The following MDC1 variants were observed in gnomAD, a reference collection of about 807,000 sequenced individuals.
MDC1 encodes the protein mediator of DNA damage checkpoint protein 1.
A neutral mutation model predicts 142.5 loss-of-function variants in MDC1; 81 were observed. That is an observed-to-expected ratio of 0.57 (90% CI 0.47 to 0.68). MDC1 has a LOEUF of 0.68. Among genes scored for constraint, MDC1 ranks in the 30% least tolerant of loss-of-function variants. The probability of loss-of-function intolerance (pLI) is 0.00; values close to 1 mark genes in which losing one functional copy is unlikely to be tolerated. For missense variants in MDC1, 2,119 were observed against 2,547.9 expected (o/e 0.83, Z 3.62); for synonymous variants, 797 against 968.4 (o/e 0.82, Z 3.29).
intron 9 of MDC1, 53 bp from the exon 10 acceptor site, chr6:30,706,151 A>G: frequency 2.1e-6 from 3 of 1,400,854 alleles, no homozygotes; most frequent in Non-Finnish European, 2.9e-6. Context: ...AAGAGATAGA[A>G]CTTGGATACT....
At position 30,703,503 on chromosome 6, in the gene MDC1, C is replaced by G. The variant is rs573548215; in HGVS notation, c.5597G>C (p.Arg1866Thr). 1.2e-6 allele frequency: 2 copies of G among 1,613,674 alleles called. No individual in the cohort carries two copies. The highest frequency in any genetic ancestry group is 2.2e-5 in the East Asian group (1 of 44,884). ...VVTPKPGKRK[R>T]DQAEEEPNRI... The stretch of plus-strand genomic sequence containing the variant: ...GTTGGGCTCCTCCTCTGCCTGGTCT[C>G]TCTTTCTCTTGCCTGGTTTTGGAGT... Residue 1866 changes from arginine to threonine, a missense_variant, in exon 11 of 15, where the codon AGA becomes ACA. By Grantham distance (71) the Arg-to-Thr change is moderately conservative. Coordinates refer to ENST00000376406, the MANE Select transcript of MDC1 (RefSeq NM_014641.3). The surrounding 1 kb of genome is among the most constrained non-coding windows in gnomAD (Gnocchi z 4.4).
chr6:30,701,015 C>T (rs1170256502), intron 14 of MDC1, among the ~76,000 whole-genome samples: 1 of 144,942 alleles, frequency 6.9e-6, no homozygotes, highest in Non-Finnish European at 1.5e-5. Context: ...GCGGAGCTTG[C>T]AGTGAGCCGA....
Position 30,703,786 on chromosome 6 carries a change from G to A in MDC1, c.5397C>T (p.Phe1799=), listed in dbSNP as rs2127665425. ...QKVEPAGRSR[F]TPELQPKASQ... ...AGGCCTTAGGCTGGAGCTCCGGGGT[G>A]AACCTAGATCTACCTGCTGGTTCCA... The change falls in exon 10 of 15, where the codon TTC becomes TTT. Residue 1799 remains phenylalanine (F), a synonymous_variant. Transcript: ENST00000376406. The surrounding 1 kb of genome is among the most constrained non-coding windows in gnomAD (Gnocchi z 4.4). 6.3e-7 allele frequency: 1 copy of A among 1,584,710 alleles called. No individual in the cohort carries two copies. Among genetic ancestry groups the A allele is most frequent in the Non-Finnish European group, 8.6e-7 (1 of 1,166,542 alleles).
intron 14 of MDC1, among the ~76,000 whole-genome samples, chr6:30,700,932 G>A (rs939372332): frequency 6.6e-6 from 1 of 150,582 alleles, no homozygotes; most frequent in African/African-American, 2.4e-5. Context: ...AATTAGCCGG[G>A]CGCGCTGACG....
chr6:30,704,892 G>T lies in MDC1; in HGVS notation c.4291C>A (p.Gln1431Lys). 6.2e-7 allele frequency: 1 copy of T among 1,604,838 alleles called. No individual in the cohort carries two copies. The change falls in exon 10 of 15, where the codon CAG becomes AAG. Residue 1431 changes from glutamine to lysine, a missense_variant. Gln to Lys is a moderately conservative substitution (Grantham distance 53). Transcript: ENST00000376406. ...CTATTTGTCCTGCCCCTGGTGGCCT[G>T]AGATGTGGGCTCAGGAGTGACAGGT... is the stretch of plus-strand genomic sequence containing the variant. ...DQPVTPEPTS[Q>K]ATRGRTNRSS...
rs113041889 is a variant in MDC1, at chr6:30,716,227, C to CTT, written c.-4+1016_-4+1017dup. On this transcript the variant is annotated intron_variant, in intron 1 of 14. Transcript: ENST00000376406. The surrounding 1 kb of genome is among the most constrained non-coding windows in gnomAD (Gnocchi z 4.4). ...ATTCAGTTCAAATGTCACTTTCTTT[C>CTT]TTTTTTTTTTTTTTGAGATGGAATC... Among the ~76,000 whole-genome samples the CTT allele has an allele frequency of 2.8e-5, 4 of 144,412 alleles. No homozygotes were observed. The highest frequency in any genetic ancestry group is 6.9e-5 in the Admixed American group (1 of 14,426). 94.7% of individuals were successfully genotyped at this position (144,412 alleles called of 152,430 possible). A position where few individuals can be genotyped will look rare whatever the true frequency, so the allele number is the denominator to read the frequency against.
At chr6:30,710,804 G>A (rs2127708526) in intron 7 of MDC1, among the ~76,000 whole-genome samples, 1 of 152,086 alleles carries the variant, frequency 6.6e-6, no homozygotes, top group South Asian at 2.1e-4. Flanking sequence ...TTTTTTTTAA[G>A]AGACATTGGG....
At position 30,713,825 on chromosome 6, in the gene MDC1, A is replaced by T. The variant is rs1184241568; in HGVS notation, c.495T>A (p.Ala165=). ...GETQPQRLLL[A]EDSEEEVDFL... ...TACCTACTTCCTCCTCCGAGTCCTC[A>T]GCCAACAGAAGCCTCTGGGGTTGAG... Residue 165 remains alanine (A), a synonymous_variant, in exon 3 of 15, where the codon GCT becomes GCA. Transcript: ENST00000376406. This position sits in a 1 kb window ranked among gnomAD's most constrained non-coding sequence, Gnocchi z 4.9. 1 of 1,613,916 alleles carries T rather than the reference A, an allele frequency of 6.2e-7. No homozygotes were observed. Among genetic ancestry groups the T allele is most frequent in the Non-Finnish European group, 8.5e-7 (1 of 1,179,966 alleles).
At chr6:30,710,793 GT>G (rs954591442) in intron 7 of MDC1, among the ~76,000 whole-genome samples, 10 of 152,094 alleles carry the variant, frequency 6.6e-5, no homozygotes, top group South Asian at 2.1e-4. Flanking sequence ...GTGTGTGTGT[GT>G]TTTTTTTAAG....
In MDC1 at chr6:30,701,090, A is replaced by G. The variant is rs7382493; in HGVS notation, c.6103-458T>C. 6.7e-3 allele frequency among the ~76,000 whole-genome samples: 964 copies of G among 143,020 alleles called. 11 individuals carry two copies. Among genetic ancestry groups the G allele is most frequent in the Admixed American group, 9.8e-3 (141 of 14,348 alleles). The allele number at this position is 143,020 out of a possible 152,430, so 93.8% of individuals were successfully genotyped here. A position where few individuals can be genotyped will look rare whatever the true frequency, so the allele number is the denominator to read the frequency against. On this transcript the variant is annotated intron_variant, in intron 14 of 14. Transcript: ENST00000376406. Reference sequence around the variant, plus strand: ...ACTCCATCTCAAAAGAAAAAAAAAAAGAAAAAAAAAAAAGAAATACTCTTG... The same window carrying G: ...ACTCCATCTCAAAAGAAAAAAAAAAGGAAAAAAAAAAAAGAAATACTCTTG...
chr6:30,713,127 G>A lies in MDC1; in HGVS notation c.815C>T (p.Thr272Ile), dbSNP rs754527969. Residue 272 changes from threonine (T) to isoleucine (I), a missense_variant, in exon 5 of 15, where the codon ACA becomes ATA. Physicochemically the swap from Thr to Ile is moderately conservative, Grantham distance 89. Transcript: ENST00000376406. The surrounding 1 kb of genome is among the most constrained non-coding windows in gnomAD (Gnocchi z 4.9). ...ATTCCCTGCACCCCTCTTGACTTTT[G>A]TATCATTGTCCCTCTCCTTCACTAA... The part of the protein sequence containing the change: ...QPLVKERDND[T>I]KVKRGAGNGV... The A allele has an allele frequency of 1.9e-6, 3 of 1,612,948 alleles. No homozygotes were observed. The South Asian group carries it at 3.3e-5, about 18-fold the overall frequency.
chr6:30,703,581 G>C lies in MDC1; in HGVS notation c.5562+40C>G. 1 of 1,612,808 alleles carries C rather than the reference G, an allele frequency of 6.2e-7. No individual in the cohort carries two copies. Among genetic ancestry groups the C allele is most frequent in the East Asian group, 2.2e-5 (1 of 44,886 alleles). The stretch of plus-strand genomic sequence containing the variant: ...TTGGTGGGAGTTTCAGAGCCCTGAA[G>C]TCATTTTTCCCAGCTTTGTGGTCCC... On this transcript the variant is annotated intron_variant, in intron 10 of 14. Coordinates refer to ENST00000376406, the MANE Select transcript of MDC1 (RefSeq NM_014641.3). This position sits in a 1 kb window ranked among gnomAD's most constrained non-coding sequence, Gnocchi z 4.4.
rs996522524 is a variant in MDC1, at chr6:30,700,248, A to G, written c.*217T>C. On this transcript the variant is annotated 3_prime_UTR_variant, in exon 15 of 15. Transcript: ENST00000376406. The stretch of plus-strand genomic sequence containing the variant: ...CAAATAAAAAACTATAAATACAAAT[A>G]AAATAAAATGGCCATTAAAAAAACA... 6.9e-6 allele frequency: 3 copies of G among 434,018 alleles called. No individual in the cohort carries two copies. The highest frequency in any genetic ancestry group is 1.2e-5 in the Non-Finnish European group (3 of 247,054). The allele number at this position is 434,018 out of a possible 1,614,324, so 26.9% of individuals were successfully genotyped here. A position where few individuals can be genotyped will look rare whatever the true frequency, so the allele number is the denominator to read the frequency against.
intron 14 of MDC1, among the ~76,000 whole-genome samples, chr6:30,701,938 T>G (rs1478453561): frequency 6.6e-6 from 1 of 150,504 alleles, no homozygotes; most frequent in Non-Finnish European, 1.5e-5. Flanking sequence ...TAAAGAAAAA[T>G]AAAAAGAAAT....
chr6:30,705,221 G>A lies in MDC1; in HGVS notation c.3962C>T (p.Thr1321Ile), dbSNP rs747924943. Residue 1321 changes from threonine to isoleucine, a missense_variant, in exon 10 of 15, where the codon ACC becomes ATC. Physicochemically the swap from Thr to Ile is moderately conservative, Grantham distance 89. Transcript: ENST00000376406. ...GGCTGTGGGGACAACTGTTTCAGGG[G>A]TCTTGACAGAGGACATATTTGTCCT... is the stretch of plus-strand genomic sequence containing the variant. ...RSRTNMSSVK[T>I]PETVVPTAPE... 7 of 1,589,410 alleles carry A rather than the reference G, an allele frequency of 4.4e-6. No homozygotes were observed. The highest frequency in any genetic ancestry group is 4.2e-5 in the African/African-American group (3 of 72,234).
chr6:30,706,449 G>A (rs555895659), intron 9 of MDC1, among the ~76,000 whole-genome samples: 14 of 151,838 alleles, frequency 9.2e-5, no homozygotes, highest in East Asian at 1.9e-4. Context: ...GTGAAACCCC[G>A]TCTCTACTAA....
Position 30,700,192 on chromosome 6 carries a change from T to G in MDC1, c.*273A>C, listed in dbSNP as rs1772392207. Reference sequence around the variant, plus strand: ...TTAAAATGGCCATTTAATACATGCATGTAAGAAATCTTGTATCCCCTAAAT... The same window carrying G: ...TTAAAATGGCCATTTAATACATGCAGGTAAGAAATCTTGTATCCCCTAAAT... On this transcript the variant is annotated 3_prime_UTR_variant, in exon 15 of 15. Coordinates refer to ENST00000376406, the MANE Select transcript of MDC1 (RefSeq NM_014641.3). The G allele has an allele frequency of 2.9e-6, 1 of 342,126 alleles. No homozygotes were observed. The highest frequency in any genetic ancestry group is 2.1e-5 in the African/African-American group (1 of 47,892). 21.2% of individuals were successfully genotyped at this position (342,126 alleles called of 1,614,324 possible).
chr6:30,703,639 C>G lies in MDC1; in HGVS notation c.5544G>C (p.Glu1848Asp), dbSNP rs925658895. ...IIKEEEEDTA[E>D]KPGKEEDVVT... ...TCCTCACCTCTTCCTTCCCTGGCTT[C>G]TCTGCAGTATCTTCTTCCTCTTCCT... The change falls in exon 10 of 15, where the codon GAG becomes GAC. Residue 1848 changes from glutamate (E) to aspartate (D), a missense_variant. Glu to Asp is a conservative substitution (Grantham distance 45). Transcript: ENST00000376406. This position sits in a 1 kb window ranked among gnomAD's most constrained non-coding sequence, Gnocchi z 4.4. 24 of 1,585,302 alleles carry G rather than the reference C, an allele frequency of 1.5e-5. 1 individual carries two copies. The Admixed American group carries it at 3.8e-4, about 25-fold the overall frequency.
chr6:30,708,855 C>CAA lies in MDC1; in HGVS notation c.2222-500_2222-499dup, dbSNP rs59939040. Among the ~76,000 whole-genome samples the CAA allele has an allele frequency of 5.6e-3, 305 of 54,778 alleles. 8 individuals are homozygous for CAA. Among genetic ancestry groups the CAA allele is most frequent in the Middle Eastern group, 9.6e-3 (1 of 104 alleles). The allele number at this position is 54,778 out of a possible 152,430, so 35.9% of individuals were successfully genotyped here. ...AGCCTGAGTGACAGAGACTCTGTCTCAAAAAAAAAAAAAAAAAAAAACCCA... is the reference window on the plus strand; with the variant it reads ...AGCCTGAGTGACAGAGACTCTGTCTCAAAAAAAAAAAAAAAAAAAAAAACCCA... On this transcript the variant is annotated intron_variant, in intron 7 of 14. Coordinates refer to ENST00000376406, the MANE Select transcript of MDC1 (RefSeq NM_014641.3).
Sources: gnomAD v4.1 joint callset for allele counts (sites outside exome capture counted in the v4.1 genomes callset) on GRCh38, gnomAD v4.1.1 for gene constraint, Gnocchi (gnomAD v3.1) non-coding constraint, MANE v1.5 for transcripts, NCBI Gene and HGNC (gene_info 2026-07-23, HGNC 2026-07-21) for gene names.